The following PIAS1 variants were observed in gnomAD, a reference collection of about 807,000 sequenced individuals.
PIAS1 encodes the protein protein inhibitor of activated STAT 1.
PIAS1 carries 6 observed loss-of-function variants against 71.3 expected under a neutral mutation model. That is an observed-to-expected ratio of 0.08 (90% CI 0.05 to 0.17). The LOEUF (loss-of-function observed/expected upper bound fraction) is 0.17. Ranked by LOEUF, PIAS1 falls within the 10% of genes least tolerant of loss-of-function variation. The pLI, the probability that PIAS1 is intolerant of heterozygous loss-of-function variation, is 1.00. For synonymous variants in PIAS1, 303 were observed against 292.9 expected (o/e 1.03, Z -0.35); for missense variants, 555 against 793.6 (o/e 0.70, Z 3.61).
rs373076968 is a variant in PIAS1, at chr15:68,054,560, C to T, written c.24+210C>T. 94 of 462,908 alleles carry T rather than the reference C, an allele frequency of 2.0e-4. 1 individual carries two copies. The highest frequency in any genetic ancestry group is 2.0e-3 in the East Asian group (55 of 27,284). 28.7% of individuals were successfully genotyped at this position (462,908 alleles called of 1,614,324 possible). On this transcript the variant is annotated intron_variant, in intron 1 of 13. Transcript: ENST00000249636. This position sits in a 1 kb window ranked among gnomAD's most constrained non-coding sequence, Gnocchi z 4.6. ...GGGTGCCTCGGGGGCGCTGACGGGTCGTCCCCGGCGTGTTATTGTTGTGGG... is the reference window on the plus strand; with the variant it reads ...GGGTGCCTCGGGGGCGCTGACGGGTTGTCCCCGGCGTGTTATTGTTGTGGG...
intron 2 of PIAS1, among the ~76,000 whole-genome samples, chr15:68,106,187 GAGAC>G (rs1197477514): frequency 1.3e-5 from 2 of 151,876 alleles, no homozygotes; most frequent in East Asian, 3.9e-4. Flanking sequence ...GTGTGTGTAA[GAGAC>G]AGAGTGCATT....
At chr15:68,164,085 T>C (rs927400619) in intron 7 of PIAS1, among the ~76,000 whole-genome samples, 5 of 151,940 alleles carry the variant, frequency 3.3e-5, no homozygotes, top group African/African-American at 1.2e-4. Flanking sequence ...GTGAAAAGAC[T>C]TAAAGATTAT....
rs370287255 is a variant in PIAS1 at position 68,153,685 on chromosome 15, T to C, written c.924T>C (p.Ser308=). ...AGGGAATAAGGAATCCGGATCATTCTAGAGCTTTAAGTACGTATGATAAAC... is the reference window on the plus strand; with the variant it reads ...AGGGAATAAGGAATCCGGATCATTCCAGAGCTTTAAGTACGTATGATAAAC... ...RAKGIRNPDH[S]RALIKEKLTA... Residue 308 remains serine, a synonymous_variant, in exon 7 of 14, where the codon TCT becomes TCC. Transcript: ENST00000249636. 14 of 1,510,738 alleles carry C rather than the reference T, an allele frequency of 9.3e-6. No homozygotes were observed. Among genetic ancestry groups the C allele is most frequent in the Non-Finnish European group, 1.3e-5 (14 of 1,086,324 alleles). 93.6% of individuals were successfully genotyped at this position (1,510,738 alleles called of 1,614,324 possible).
At position 68,134,628 on chromosome 15, in the gene PIAS1, C is replaced by CCA. The variant is rs1207455765; in HGVS notation, c.470-7317_470-7316insAC. On this transcript the variant is annotated intron_variant, in intron 2 of 13. Transcript: ENST00000249636. ...CTGGCCGGGCGGGGGGCTAACCCCC[C>CCA]CCACCTCCCTCCCGGACGGGGCGGC... is the stretch of plus-strand genomic sequence containing the variant. Among the ~76,000 whole-genome samples the CCA allele has an allele frequency of 2.8e-4, 11 of 39,910 alleles. 4 individuals are homozygous for CCA. In the East Asian group the frequency reaches 4.0e-3, roughly 14 times the overall value. 26.2% of individuals were successfully genotyped at this position (39,910 alleles called of 152,430 possible). A position where few individuals can be genotyped will look rare whatever the true frequency, so the allele number is the denominator to read the frequency against.
At chr15:68,095,389 A>G (rs2092365366) in intron 2 of PIAS1, among the ~76,000 whole-genome samples, 1 of 152,100 alleles carries the variant, frequency 6.6e-6, no homozygotes, top group South Asian at 2.1e-4. Context: ...ATCATGGGGC[A>G]TGTGGTCATC....
chr15:68,093,385 G>A (rs534262620), intron 2 of PIAS1, among the ~76,000 whole-genome samples: 33 of 152,334 alleles, frequency 2.2e-4, no homozygotes, highest in African/African-American at 7.5e-4. Context: ...AGAATTGTGC[G>A]GAAGCACTGT....
At chr15:68,117,811 A>G (rs2092578754) in intron 2 of PIAS1, among the ~76,000 whole-genome samples, 1 of 152,218 alleles carries the variant, frequency 6.6e-6, no homozygotes, top group Admixed American at 6.5e-5. Context: ...GTGCCACAAT[A>G]AACATAGTTC....
intron 2 of PIAS1, among the ~76,000 whole-genome samples, chr15:68,134,816 C>T (rs1323765153): frequency 6.3e-5 from 3 of 47,656 alleles, no homozygotes; most frequent in Non-Finnish European, 1.7e-4. Flanking sequence ...CCTCACCTCC[C>T]GGATGGGGCG....
rs995514955 is a variant in PIAS1, at chr15:68,076,671, C to G, written c.25-9635C>G. Among the ~76,000 whole-genome samples, 5 of 152,058 alleles carry G rather than the reference C, an allele frequency of 3.3e-5. No individual in the cohort carries two copies. In the East Asian group the frequency reaches 9.6e-4, roughly 29 times the overall value. On this transcript the variant is annotated intron_variant, in intron 1 of 13. Coordinates refer to ENST00000249636, the MANE Select transcript of PIAS1 (RefSeq NM_016166.3). ...CTAGAGAGTTGACACTGTCATATTC[C>G]AAGTTCTTAAGGATGACTTGGGTGA...
At chr15:68,156,920 G>A (rs1257037621) in intron 7 of PIAS1, among the ~76,000 whole-genome samples, 1 of 152,184 alleles carries the variant, frequency 6.6e-6, no homozygotes, top group Non-Finnish European at 1.5e-5. Flanking sequence ...CAAGGCTAAT[G>A]CAGTGAGGCC....
intron 7 of PIAS1, among the ~76,000 whole-genome samples, chr15:68,158,753 A>G (rs181462725): frequency 6.6e-6 from 1 of 152,184 alleles, no homozygotes; most frequent in African/African-American, 2.4e-5. Context: ...TTAAAATTTT[A>G]AAAGGCTGAA....
chr15:68,129,831 A>T (rs1195964257), intron 2 of PIAS1, among the ~76,000 whole-genome samples: 1 of 134,156 alleles, frequency 7.5e-6, no homozygotes, highest in Non-Finnish European at 1.7e-5. Flanking sequence ...ACACACACAC[A>T]CACACTCTTA....
intron 2 of PIAS1, among the ~76,000 whole-genome samples, chr15:68,141,405 G>A (rs1030263155): frequency 1.3e-5 from 2 of 151,922 alleles, no homozygotes; most frequent in African/African-American, 2.4e-5. Flanking sequence ...GTGACAATAA[G>A]CAAATTTTGA....
At chr15:68,077,057 G>A (rs994399413) in intron 1 of PIAS1, among the ~76,000 whole-genome samples, 6 of 152,146 alleles carry the variant, frequency 3.9e-5, no homozygotes, top group African/African-American at 9.7e-5. Context: ...AATTGTATTC[G>A]AGGATGAGGT....
chr15:68,111,936 A>G lies in PIAS1; in HGVS notation c.469+25186A>G, dbSNP rs78130499. The stretch of plus-strand genomic sequence containing the variant: ...ACCCTAGTCCATACACTCTCCATAC[A>G]CTTTCTTAGGTGACTTTTGTATCTT... On this transcript the variant is annotated intron_variant, in intron 2 of 13. Transcript: ENST00000249636. Among the ~76,000 whole-genome samples, 927 of 152,152 alleles carry G rather than the reference A, an allele frequency of 6.1e-3. 3 individuals carry two copies. The highest frequency in any genetic ancestry group is 0.032 in the East Asian group (167 of 5,174).
chr15:68,088,135 A>G (rs1384606107), intron 2 of PIAS1, among the ~76,000 whole-genome samples: 1 of 125,486 alleles, frequency 8.0e-6, no homozygotes, highest in African/African-American at 3.1e-5. Flanking sequence ...CCTTAATAAT[A>G]TATCATATGC....
Position 68,136,274 on chromosome 15 carries a change from G to A in PIAS1, c.470-5672G>A, listed in dbSNP as rs370986750. On this transcript the variant is annotated intron_variant, in intron 2 of 13. Coordinates refer to ENST00000249636, the MANE Select transcript of PIAS1 (RefSeq NM_016166.3). ...GCGGCTGGGAGGTGGAGGTTGTAGC[G>A]AGCCGAGGTCACGCCACTGCACTCC... Among the ~76,000 whole-genome samples the A allele has an allele frequency of 5.6e-3, 313 of 55,410 alleles. 112 individuals are homozygous for A. In the South Asian group the frequency reaches 0.081, roughly 14 times the overall value. The allele number at this position is 55,410 out of a possible 152,430, so 36.4% of individuals were successfully genotyped here. A position where few individuals can be genotyped will look rare whatever the true frequency, so the allele number is the denominator to read the frequency against.
At chr15:68,084,616 A>C (rs1239619633) in intron 1 of PIAS1, among the ~76,000 whole-genome samples, 1 of 152,184 alleles carries the variant, frequency 6.6e-6, no homozygotes, top group Admixed American at 6.6e-5. Context: ...ATCGCTGTAG[A>C]TGCTACCTCC....
chr15:68,150,674 T>C (rs561397343), intron 6 of PIAS1, among the ~76,000 whole-genome samples: 2 of 152,356 alleles, frequency 1.3e-5, no homozygotes, highest in South Asian at 4.1e-4. Context: ...TTAGCATTTA[T>C]TAAACTCTCA....
Sources: allele counts gnomAD v4.1 joint callset (sites outside exome capture counted in the v4.1 genomes callset), GRCh38; gene constraint gnomAD v4.1.1; non-coding constraint Gnocchi (gnomAD v3.1); transcripts MANE v1.5; gene names NCBI Gene and HGNC (gene_info 2026-07-23, HGNC 2026-07-21).